AP1G2: variants seen among roughly 807,000 people sequenced by gnomAD.
The protein encoded by AP1G2 is adaptor related protein complex 1 subunit gamma 2.
A neutral mutation model predicts 95.8 loss-of-function variants in AP1G2; 85 were observed. The observed-to-expected ratio is 0.89, with a 90% confidence interval of 0.74 to 1.06. The LOEUF (loss-of-function observed/expected upper bound fraction) is 1.06. Ranked by LOEUF, AP1G2 falls within the 50% of genes least tolerant of loss-of-function variation. AP1G2 has a pLI of 0.00. For missense variants in AP1G2, 967 were observed against 1,005.8 expected, an observed-to-expected ratio of 0.96 and a Z score of 0.52; for synonymous variants, 378 against 400.0, an observed-to-expected ratio of 0.94 and a Z score of 0.66.
chr14:23,563,065 T>C, intron 14 of AP1G2: 2 of 1,273,786 alleles, frequency 1.6e-6, no homozygotes, highest in South Asian at 1.8e-5. Context: ...CATCTGTTAA[T>C]TCATTCAGCA....
At position 23,560,390 on chromosome 14, in the gene AP1G2, C is replaced by T. The variant is rs1883636242; in HGVS notation, c.2022G>A (p.Glu674=). The change falls in exon 20 of 22, where the codon GAG becomes GAA. Residue 674 remains glutamate, a synonymous_variant. Coordinates refer to ENST00000397120, the MANE Select transcript of AP1G2 (RefSeq NM_003917.5). ...PAPIPDLKVF[E]REGVQLNLSF... ...ACAGATTCAGCTGTACTCCCTCACGCTCAAACACTTTGAGATCTGGGATGG... is the reference window on the plus strand; with the variant it reads ...ACAGATTCAGCTGTACTCCCTCACGTTCAAACACTTTGAGATCTGGGATGG... 1.2e-6 allele frequency: 2 copies of T among 1,613,926 alleles called. No individual in the cohort carries two copies. Among genetic ancestry groups the T allele is most frequent in the South Asian group, 1.1e-5 (1 of 91,046 alleles).
At chr14:23,565,266 A>G in intron 7 of AP1G2, 67 bp from the exon 8 acceptor site, 1 of 1,508,242 alleles carries the variant, frequency 6.6e-7, no homozygotes, top group Non-Finnish European at 9.1e-7. Context: ...GGCTGAGGAG[A>G]AAACTCCAAC....
intron 7 of AP1G2, 35 bp from the exon 8 acceptor site, chr14:23,565,234 T>C: frequency 6.2e-7 from 1 of 1,604,642 alleles, no homozygotes; most frequent in Non-Finnish European, 8.5e-7. Context: ...GTTGGAGGGG[T>C]TCATAGGATA....
chr14:23,562,336 G>C lies in AP1G2; in HGVS notation c.1580C>G (p.Ala527Gly), dbSNP rs753591811. The C allele has an allele frequency of 6.2e-7, 1 of 1,614,206 alleles. No individual in the cohort carries two copies. Among genetic ancestry groups the C allele is most frequent in the Admixed American group, 1.7e-5 (1 of 60,024 alleles). ...HMSLPATRGY[A>G]LTALMKLSTR... ...GCTGAGCTTCATGAGGGCTGTGAGG[G>C]CATATCCTCGAGTGGCTGGCAGGGA... The change falls in exon 16 of 22, where the codon GCC (alanine) becomes GGC (glycine). Residue 527 changes from alanine (A) to glycine (G), a missense_variant. Coordinates refer to ENST00000397120, the MANE Select transcript of AP1G2 (RefSeq NM_003917.5).
chr14:23,560,072 G>A (rs1486640227), intron 20 of AP1G2, 36 bp from the exon 21 acceptor site: 5 of 1,486,288 alleles, frequency 3.4e-6, no homozygotes, highest in Non-Finnish European at 4.7e-6. Context: ...CAGTATGGCA[G>A]TAGGTAGGGC....
At chr14:23,564,219 G>C (rs1325335961) in intron 10 of AP1G2, 60 bp from the exon 11 acceptor site, 24 of 1,612,030 alleles carry the variant, frequency 1.5e-5, no homozygotes, top group Non-Finnish European at 2.0e-5. Flanking sequence ...TCCCCGTCCT[G>C]TCCTGGGTAT....
In AP1G2 at chr14:23,562,299, A is replaced by G; in HGVS notation, c.1617T>C (p.Cys539=). 6.2e-7 allele frequency: 1 copy of G among 1,614,186 alleles called. No individual in the cohort carries two copies. The highest frequency in any genetic ancestry group is 8.5e-7 in the Non-Finnish European group (1 of 1,180,022). ...GGACCCCTTCTTACTTGTTGTCCCC[A>G]CAGAGGCGAGTGCTGAGCTTCATGA... ...TALMKLSTRL[C]GDNNRIRQVV... Residue 539 remains cysteine (C), a synonymous_variant, in exon 16 of 22, where the codon TGT becomes TGC. Coordinates refer to ENST00000397120, the MANE Select transcript of AP1G2 (RefSeq NM_003917.5).
chr14:23,565,659 T>C lies in AP1G2; in HGVS notation c.688A>G (p.Met230Val), dbSNP rs1887512249. 1.2e-6 allele frequency: 2 copies of C among 1,614,016 alleles called. No individual in the cohort carries two copies. The highest frequency in any genetic ancestry group is 1.3e-5 in the African/African-American group (1 of 74,904). Residue 230 changes from methionine (M) to valine (V), a missense_variant, in exon 7 of 22, where the codon ATG becomes GTG. Transcript: ENST00000397120. The part of the protein sequence containing the change: ...LVHILRTLVT[M>V]GYSTEHSISG... ...ATGCTGTGTTCTGTGGAGTATCCCA[T>C]TGTCACCAGAGTCCGGAGGATGTGT... is the stretch of plus-strand genomic sequence containing the variant.
rs111762718 is a variant in AP1G2, at chr14:23,560,604, C to T, written c.1994-186G>A. 1,656 of 528,812 alleles carry T rather than the reference C, an allele frequency of 3.1e-3. 26 individuals are homozygous for T. Among genetic ancestry groups the T allele is most frequent in the African/African-American group, 0.029 (1,503 of 51,134 alleles). 32.8% of individuals were successfully genotyped at this position (528,812 alleles called of 1,614,324 possible). A position where few individuals can be genotyped will look rare whatever the true frequency, so the allele number is the denominator to read the frequency against. ...GGGGAGAGAAACAATAAAAAAAGGC[C>T]GGGCGTGAGCCAGTAATCCCAGCAC... is the stretch of plus-strand genomic sequence containing the variant. On this transcript the variant is annotated intron_variant, in intron 19 of 21. Coordinates refer to ENST00000397120, the MANE Select transcript of AP1G2 (RefSeq NM_003917.5).
At chr14:23,560,984 A>T in intron 19 of AP1G2, 8 of 646,350 alleles carry the variant, frequency 1.2e-5, no homozygotes, top group Middle Eastern at 6.2e-4. Context: ...CATTCCATGT[A>T]AAAAAGAACA....
Position 23,563,755 on chromosome 14 carries a change from C to A in AP1G2, c.1193G>T (p.Arg398Leu). The change falls in exon 12 of 22, where the codon CGG becomes CTG. Residue 398 changes from arginine (R) to leucine (L), a missense_variant. Arg to Leu is a moderately radical substitution (Grantham distance 102). Transcript: ENST00000397120. ...AFLESCPPDL[R>L]ADCASGILLA... is the part of the protein sequence containing the mutation. Reference sequence around the variant, plus strand: ...CAGGATGCCTGAGGCACAGTCAGCCCGTAGGTCAGGAGGGCAGGACTCCAG... The same window carrying A: ...CAGGATGCCTGAGGCACAGTCAGCCAGTAGGTCAGGAGGGCAGGACTCCAG... 6.2e-7 allele frequency: 1 copy of A among 1,614,198 alleles called. No individual in the cohort carries two copies. The highest frequency in any genetic ancestry group is 2.2e-5 in the East Asian group (1 of 44,882).
chr14:23,562,936 T>A, intron 14 of AP1G2: 1 of 651,634 alleles, frequency 1.5e-6, no homozygotes, highest in Non-Finnish European at 2.2e-6. Context: ...CAGAACTACA[T>A]GGCCTAACCA....
chr14:23,562,131 A>G (rs1885129132), intron 16 of AP1G2, 65 bp from the exon 17 acceptor site: 3 of 1,599,468 alleles, frequency 1.9e-6, no homozygotes, highest in East Asian at 2.2e-5. Context: ...CAAGAAGGAA[A>G]GGCCCACGGA....
chr14:23,566,581 T>A lies in AP1G2; in HGVS notation c.310A>T (p.Ile104Phe), dbSNP rs1316376585. The A allele has an allele frequency of 3.1e-6, 5 of 1,614,166 alleles. No homozygotes were observed. The South Asian group carries it at 5.5e-5, about 18-fold the overall frequency. The change falls in exon 3 of 22, where the codon ATT becomes TTT. Residue 104 changes from isoleucine to phenylalanine, a missense_variant. By Grantham distance (21) the Ile-to-Phe change is conservative. Coordinates refer to ENST00000397120, the MANE Select transcript of AP1G2 (RefSeq NM_003917.5). ...TCTCACTTCTTGATGCTGTTGGTAA[T>A]GAGCAGGTGGGCATCGTGCCTCTCA... ...LDERHDAHLL[I>F]TNSIKNDLSQ... is the part of the protein sequence containing the mutation.
Position 23,565,125 on chromosome 14 carries a change from C to T in AP1G2, c.816G>A (p.Leu272=). 1 of 1,614,216 alleles carries T rather than the reference C, an allele frequency of 6.2e-7. No individual in the cohort carries two copies. ...GTGCCCTCCCAGGCCCCACCTGGGC[C>T]AGCAAGTCATTCATGGTCTCACTGC... The part of the protein sequence containing the change: ...EESSETMNDL[L]AQVATNTDTS... The change falls in exon 8 of 22, where the codon CTG becomes CTA. Residue 272 remains leucine, a synonymous_variant. Transcript: ENST00000397120.
At chr14:23,562,731 C>A (rs989244067) in intron 14 of AP1G2, 138 bp from the exon 15 acceptor site, 3 of 748,292 alleles carry the variant, frequency 4.0e-6, no homozygotes, top group South Asian at 1.9e-5. Flanking sequence ...AGCGAGACCC[C>A]CCCCATCTCT....
At position 23,565,614 on chromosome 14, in the gene AP1G2, A is replaced by G; in HGVS notation, c.733T>C (p.Phe245Leu). ...EHSISGVSDP[F>L]LQVQILRLLR... ...GTGAAAGGTCACCCCACCTGCAGGA[A>G]GGGGTCGCTGACTCCAGATATGCTG... The change falls in exon 7 of 22, where the codon TTC (phenylalanine) becomes CTC (leucine). Residue 245 changes from phenylalanine (F) to leucine (L), a missense_variant. Physicochemically the swap from Phe to Leu is conservative, Grantham distance 22. Coordinates refer to ENST00000397120, the MANE Select transcript of AP1G2 (RefSeq NM_003917.5). 6.2e-7 allele frequency: 1 copy of G among 1,613,082 alleles called. No homozygotes were observed. The highest frequency in any genetic ancestry group is 8.5e-7 in the Non-Finnish European group (1 of 1,179,112).
intron 19 of AP1G2, 88 bp from the exon 20 acceptor site, chr14:23,560,506 A>C (rs539809194): frequency 7.2e-7 from 1 of 1,386,376 alleles, no homozygotes; most frequent in East Asian, 2.4e-5. Flanking sequence ...GTAAACACCT[A>C]CTGGCCCTGC....
In AP1G2 at chr14:23,565,637, C is replaced by G. The variant is rs780062044; in HGVS notation, c.710G>C (p.Ser237Thr). The G allele has an allele frequency of 3.7e-6, 6 of 1,614,036 alleles. No individual in the cohort carries two copies. In the Middle Eastern group the frequency reaches 4.9e-4, roughly 133 times the overall value. The change falls in exon 7 of 22, where the codon AGC becomes ACC. Residue 237 changes from serine to threonine, a missense_variant. Ser to Thr is a moderately conservative substitution (Grantham distance 58). Transcript: ENST00000397120. ...LVTMGYSTEHSISGVSDPFLQ... is the reference protein window; with the variant it reads ...LVTMGYSTEHTISGVSDPFLQ... ...GAAGGGGTCGCTGACTCCAGATATG[C>G]TGTGTTCTGTGGAGTATCCCATTGT...
Sources: gnomAD v4.1 joint callset for allele counts on GRCh38, gnomAD v4.1.1 for gene constraint, MANE v1.5 for transcripts, NCBI Gene and HGNC (gene_info 2026-07-23, HGNC 2026-07-21) for gene names.